The following ASCC3 variants were observed in gnomAD, a reference collection of about 807,000 sequenced individuals.
The protein encoded by ASCC3 is activating signal cointegrator 1 complex subunit 3, also known as ASC-1 complex subunit P200.
ASCC3 carries 158 observed loss-of-function variants against 256.3 expected under a neutral mutation model. The observed-to-expected ratio is 0.62, with a 90% confidence interval of 0.54 to 0.70. The LOEUF (loss-of-function observed/expected upper bound fraction) is 0.70. ASCC3 is among the 30% of genes least tolerant of loss of function. The pLI is 0.00. For missense variants in ASCC3, 2,259 were observed against 2,626.0 expected (o/e 0.86, Z 3.05); for synonymous variants, 948 against 883.4 (o/e 1.07, Z -1.30).
rs34575315 is a variant in ASCC3 at position 100,535,466 on chromosome 6, G to GTTT, written c.5775+4694_5775+4696dup. 9.4e-3 allele frequency among the ~76,000 whole-genome samples: 929 copies of GTTT among 98,520 alleles called. 15 individuals are homozygous for GTTT. The highest frequency in any genetic ancestry group is 0.01 in the South Asian group (27 of 2,572). The allele number at this position is 98,520 out of a possible 152,430, so 64.6% of individuals were successfully genotyped here. The stretch of plus-strand genomic sequence containing the variant: ...TTTAGAATATGAAGCTGGTTTTCGT[G>GTTT]TTTTTTTTTTTTTTTTTTTTTGAGA... On this transcript the variant is annotated intron_variant, in intron 37 of 41. Coordinates refer to ENST00000369162, the MANE Select transcript of ASCC3 (RefSeq NM_006828.4).
At chr6:100,662,120 A>G in intron 15 of ASCC3, 90 bp from the exon 16 acceptor site, 1 of 1,299,528 alleles carries the variant, frequency 7.7e-7, no homozygotes, top group Non-Finnish European at 1.1e-6. Flanking sequence ...AAATATGGCA[A>G]GATCTCAAAA....
At chr6:100,778,113 A>AG (rs1419734489) in intron 8 of ASCC3, among the ~76,000 whole-genome samples, 2 of 151,526 alleles carry the variant, frequency 1.3e-5, no homozygotes, top group East Asian at 1.9e-4. Context: ...GAAAAAAAAA[A>AG]AGAGAGATAA....
chr6:100,867,942 T>G lies in ASCC3; in HGVS notation c.56A>C (p.Gln19Pro), dbSNP rs1311737320. 6 of 1,613,692 alleles carry G rather than the reference T, an allele frequency of 3.7e-6. No individual in the cohort carries two copies. The Admixed American group carries it at 1.0e-4, about 27-fold the overall frequency. ...ALRSFSNVTK[Q>P]DNYNEEVADL... Reference sequence around the variant, plus strand: ...AGCCACTTCTTCATTATAATTATCTTGCTTGGTGACATTTGAAAAGGAACG... The same window carrying G: ...AGCCACTTCTTCATTATAATTATCTGGCTTGGTGACATTTGAAAAGGAACG... Residue 19 changes from glutamine to proline, a missense_variant, in exon 2 of 42, where the codon CAA (glutamine) becomes CCA (proline). By Grantham distance (76) the Gln-to-Pro change is moderately conservative (BLOSUM62 -1). Coordinates refer to ENST00000369162, the MANE Select transcript of ASCC3 (RefSeq NM_006828.4).
At chr6:100,539,506 TCA>T (rs1354032401) in intron 37 of ASCC3, among the ~76,000 whole-genome samples, 4 of 152,166 alleles carry the variant, frequency 2.6e-5, no homozygotes, top group Admixed American at 2.0e-4. Context: ...GCAATACTTC[TCA>T]CTTTTTTTTA....
At chr6:100,684,900 G>A (rs1181792314) in intron 13 of ASCC3, among the ~76,000 whole-genome samples, 2 of 146,336 alleles carry the variant, frequency 1.4e-5, no homozygotes, top group African/African-American at 2.5e-5. Context: ...TCCGCCTCCC[G>A]GGTTGACACC....
At chr6:100,767,832 G>A (rs373497105) in intron 8 of ASCC3, among the ~76,000 whole-genome samples, 151 of 151,348 alleles carry the variant, frequency 1.0e-3, no homozygotes, top group Middle Eastern at 3.4e-3. Context: ...TAGCTAGGAT[G>A]GTCTCGATCT....
intron 4 of ASCC3, among the ~76,000 whole-genome samples, chr6:100,810,844 A>T (rs1402910785): frequency 6.6e-6 from 1 of 152,190 alleles, no homozygotes; most frequent in African/African-American, 2.4e-5. Context: ...AAGAGATGAC[A>T]CTAAATCTAC....
intron 36 of ASCC3, among the ~76,000 whole-genome samples, chr6:100,553,208 G>A (rs1769395010): frequency 6.6e-6 from 1 of 152,194 alleles, no homozygotes; most frequent in Admixed American, 6.6e-5. Flanking sequence ...TCAGCAGAAA[G>A]TGAGCTAGTA....
chr6:100,783,810 CTG>C (rs1324611009), intron 8 of ASCC3, among the ~76,000 whole-genome samples: 1 of 151,658 alleles, frequency 6.6e-6, no homozygotes, highest in Admixed American at 6.6e-5. Context: ...GGCAAGTAAA[CTG>C]TTCACTAATC....
intron 4 of ASCC3, among the ~76,000 whole-genome samples, chr6:100,808,447 C>T (rs946495313): frequency 1.3e-5 from 2 of 151,842 alleles, no homozygotes. Context: ...TTTGAAAACG[C>T]TTTTAAAATA....
Position 100,805,855 on chromosome 6 carries a change from C to A in ASCC3, c.827G>T (p.Gly276Val). The A allele has an allele frequency of 6.2e-7, 1 of 1,611,278 alleles. No homozygotes were observed. The highest frequency in any genetic ancestry group is 8.5e-7 in the Non-Finnish European group (1 of 1,178,612). The stretch of plus-strand genomic sequence containing the variant: ...GAGGAGTTTCTCAATAAGTTCAAGT[C>A]CTTCAGGTCCCAGCAGTTCAAATAG... Reference protein sequence around the residue: ...DELFELLGPEGLELIEKLLQN... With the variant: ...DELFELLGPEVLELIEKLLQN... The change falls in exon 5 of 42, where the codon GGA becomes GTA. Residue 276 changes from glycine (G) to valine (V), a missense_variant. Gly to Val is a moderately radical substitution (Grantham distance 109). This residue lies in a region of ASCC3 where 420 missense variants were observed against 419.3 expected (regional missense o/e 1.00). Coordinates refer to ENST00000369162, the MANE Select transcript of ASCC3 (RefSeq NM_006828.4).
chr6:100,633,080 C>T (rs1309278754), intron 25 of ASCC3, among the ~76,000 whole-genome samples: 1 of 152,298 alleles, frequency 6.6e-6, no homozygotes, highest in South Asian at 2.1e-4. Flanking sequence ...TACACTAGTT[C>T]TGTCTTAATG....
chr6:100,588,569 C>G (rs1451979031), intron 36 of ASCC3, among the ~76,000 whole-genome samples: 4 of 152,058 alleles, frequency 2.6e-5, no homozygotes, highest in Non-Finnish European at 5.9e-5. Context: ...GCCTTATATA[C>G]TTTAGTCCTC....
intron 8 of ASCC3, among the ~76,000 whole-genome samples, chr6:100,788,768 C>A (rs930754559): frequency 2.0e-5 from 3 of 151,802 alleles, no homozygotes; most frequent in African/African-American, 7.3e-5. Flanking sequence ...AAGCATTACA[C>A]AAGGAATTTT....
chr6:100,596,814 C>T (rs558780205), intron 34 of ASCC3, among the ~76,000 whole-genome samples: 1 of 152,146 alleles, frequency 6.6e-6, no homozygotes, highest in Admixed American at 6.6e-5. Flanking sequence ...GCTCAAAACT[C>T]TGCAATGGTT....
intron 13 of ASCC3, among the ~76,000 whole-genome samples, chr6:100,691,019 ATATTT>A (rs1777821338): frequency 6.6e-6 from 1 of 152,164 alleles, no homozygotes; most frequent in African/African-American, 2.4e-5. Flanking sequence ...TTTAACTGCT[ATATTT>A]TATTAAAAGA....
At chr6:100,734,777 G>T (rs1780070573) in intron 10 of ASCC3, among the ~76,000 whole-genome samples, 2 of 152,046 alleles carry the variant, frequency 1.3e-5, no homozygotes, top group Admixed American at 6.6e-5. Flanking sequence ...CATAAGCAAG[G>T]TAGTAGCCCA....
intron 36 of ASCC3, among the ~76,000 whole-genome samples, chr6:100,551,027 A>C (rs1769272028): frequency 6.6e-6 from 1 of 151,950 alleles, no homozygotes; most frequent in Admixed American, 6.6e-5. Context: ...CCAGACAGTC[A>C]CCCTCCTAAA....
intron 34 of ASCC3, among the ~76,000 whole-genome samples, chr6:100,592,239 GT>G (rs1279416922): frequency 6.6e-6 from 1 of 150,408 alleles, no homozygotes; most frequent in Non-Finnish European, 1.5e-5. Flanking sequence ...CTTGCTAAAA[GT>G]TCACATTTCT....
Sources: gnomAD v4.1 joint callset for allele counts (sites outside exome capture counted in the v4.1 genomes callset) on GRCh38, gnomAD v4.1.1 for gene constraint, gnomAD v4.1.1 regional missense constraint, MANE v1.5 for transcripts, NCBI Gene and HGNC (gene_info 2026-07-23, HGNC 2026-07-21) for gene names.